The following PLCG2 variants were observed in gnomAD, a reference collection of about 807,000 sequenced individuals.
The protein encoded by PLCG2 is 1-phosphatidylinositol 4,5-bisphosphate phosphodiesterase gamma-2.
Under a neutral mutation model 175.6 loss-of-function variants are expected in PLCG2, and 69 were observed. The observed-to-expected ratio is 0.39, with a 90% CI of 0.32 to 0.48. The LOEUF (loss-of-function observed/expected upper bound fraction) is 0.48. PLCG2 is among the 20% of genes least tolerant of loss of function. The pLI, the probability that PLCG2 is intolerant of heterozygous loss-of-function variation, is 0.91. For missense variants in PLCG2, 1,798 were observed against 1,650.9 expected (o/e 1.09, Z -1.54); for synonymous variants, 827 against 624.0 (o/e 1.33, Z -4.85).
At chr16:81,778,981 G>A (rs1318960781), upstream of PLCG2, among the ~76,000 whole-genome samples, 3 of 152,120 alleles carry the variant, frequency 2.0e-5, no homozygotes, top group Non-Finnish European at 4.4e-5. Context: ...TAAGTATACG[G>A]CAAACACCTG....
rs1051178431 is a variant in PLCG2, at chr16:81,854,689, T to G, written c.337+102T>G. ...GCTCACCCCTGCCTGCTCACTGATG[T>G]GTATTTGGGGTCATGGTTTTGAATC... On this transcript the variant is annotated intron_variant, in intron 3 of 32. Transcript: ENST00000564138. The G allele has an allele frequency of 7.4e-6, 8 of 1,074,938 alleles. No homozygotes were observed. In the Admixed American group the frequency reaches 1.5e-4, roughly 20 times the overall value. The allele number at this position is 1,074,938 out of a possible 1,614,324, so 66.6% of individuals were successfully genotyped here.
intron 2 of PLCG2, among the ~76,000 whole-genome samples, chr16:81,820,328 A>G (rs530857716): frequency 2.0e-5 from 3 of 151,198 alleles, no homozygotes; most frequent in Non-Finnish European, 4.4e-5. Flanking sequence ...CCTCCCCAGC[A>G]TGCACACTCC....
At chr16:81,939,350 G>A (rs1209512097) in intron 29 of PLCG2, among the ~76,000 whole-genome samples, 1 of 152,166 alleles carries the variant, frequency 6.6e-6, no homozygotes, top group East Asian at 1.9e-4. Flanking sequence ...GCTCTTCCAG[G>A]AAAAGCCAGG....
chr16:81,803,352 G>A (rs1911828164), intron 2 of PLCG2, among the ~76,000 whole-genome samples: 1 of 151,702 alleles, frequency 6.6e-6, no homozygotes, highest in South Asian at 2.1e-4. Flanking sequence ...CACTTCTTTA[G>A]CCTAACATAA....
intron 7 of PLCG2, among the ~76,000 whole-genome samples, chr16:81,880,295 C>A (rs181586385): frequency 6.6e-6 from 1 of 152,150 alleles, no homozygotes; most frequent in South Asian, 2.1e-4. Context: ...AGTGGAGGTG[C>A]CTATCTCAAC....
At chr16:81,817,908 C>T (rs573954752) in intron 2 of PLCG2, among the ~76,000 whole-genome samples, 4 of 152,288 alleles carry the variant, frequency 2.6e-5, no homozygotes, top group East Asian at 1.9e-4. Flanking sequence ...CTTACTGTTT[C>T]GGGGAGAAGG....
At chr16:81,889,848 G>A (rs1908548453) in intron 10 of PLCG2, among the ~76,000 whole-genome samples, 1 of 152,088 alleles carries the variant, frequency 6.6e-6, no homozygotes, top group African/African-American at 2.4e-5. Flanking sequence ...AGTAGACAGG[G>A]TTTCACTATG....
At chr16:81,929,425 T>C (rs770127702) in intron 24 of PLCG2, among the ~76,000 whole-genome samples, 1 of 152,218 alleles carries the variant, frequency 6.6e-6, no homozygotes, top group Non-Finnish European at 1.5e-5. Flanking sequence ...CGATAGAGTC[T>C]CGCTGTGTCA....
intron 2 of PLCG2, among the ~76,000 whole-genome samples, chr16:81,841,732 G>A (rs1032631773): frequency 2.0e-5 from 3 of 152,254 alleles, no homozygotes; most frequent in Middle Eastern, 3.4e-3. Flanking sequence ...CTGCTCTACC[G>A]TGTGTGCCTC....
chr16:81,755,227 C>T (rs910322160), intron 1 of PLCG2, among the ~76,000 whole-genome samples: 6 of 152,020 alleles, frequency 3.9e-5, no homozygotes, highest in African/African-American at 1.2e-4. Flanking sequence ...GACAAGGCCT[C>T]ACTCTGTCAC....
intron 1 of PLCG2, among the ~76,000 whole-genome samples, chr16:81,751,276 C>T (rs533782976): frequency 2.2e-4 from 34 of 152,318 alleles, no homozygotes; most frequent in African/African-American, 7.7e-4. Context: ...CCACTGCCTC[C>T]AGCCTGGAAC....
At chr16:81,941,583 T>TCTAGAAA (rs1910941963) in intron 30 of PLCG2, among the ~76,000 whole-genome samples, 5 of 151,282 alleles carry the variant, frequency 3.3e-5, no homozygotes, top group Non-Finnish European at 7.4e-5. Context: ...TTTTTTGTAC[T>TCTAGAAA]CTAGAAATGT....
intron 2 of PLCG2, among the ~76,000 whole-genome samples, chr16:81,800,871 A>G (rs1003955186): frequency 6.6e-6 from 1 of 152,144 alleles, no homozygotes; most frequent in Non-Finnish European, 1.5e-5. Context: ...ATGAAATCAC[A>G]AAGGTCCTTG....
At chr16:81,863,658 C>T (rs1907090892) in intron 5 of PLCG2, among the ~76,000 whole-genome samples, 1 of 152,242 alleles carries the variant, frequency 6.6e-6, no homozygotes. Flanking sequence ...ATACTGTTTT[C>T]TGTAGCAGCT....
Position 81,936,164 on chromosome 16 carries a change from T to C in PLCG2, c.2843-5T>C, listed in dbSNP as rs756304291. On this transcript the variant is annotated splice_polypyrimidine_tract_variant and splice_region_variant and intron_variant, in intron 26 of 32. Transcript: ENST00000564138. Reference sequence around the variant, plus strand: ...AGTACTGATGACCTTTTTCTCTGTGTGCAGAAAATCCTGACTTCCGAGAAA... The same window carrying C: ...AGTACTGATGACCTTTTTCTCTGTGCGCAGAAAATCCTGACTTCCGAGAAA... 1 of 1,613,688 alleles carries C rather than the reference T, an allele frequency of 6.2e-7. No individual in the cohort carries two copies. Among genetic ancestry groups the C allele is most frequent in the Non-Finnish European group, 8.5e-7 (1 of 1,180,008 alleles).
intron 19 of PLCG2, among the ~76,000 whole-genome samples, chr16:81,914,732 T>C (rs1909769266): frequency 6.6e-6 from 1 of 152,172 alleles, no homozygotes; most frequent in African/African-American, 2.4e-5. Flanking sequence ...ACTCCAAGTG[T>C]TTCTTGCTTT....
upstream of PLCG2, among the ~76,000 whole-genome samples, chr16:81,775,181 A>G (rs1910371830): frequency 2.0e-5 from 3 of 152,292 alleles, no homozygotes; most frequent in South Asian, 6.2e-4. Context: ...ATTTTAGAAC[A>G]TTCTTATCAT....
At chr16:81,825,243 C>T (rs555074154) in intron 2 of PLCG2, among the ~76,000 whole-genome samples, 10 of 151,066 alleles carry the variant, frequency 6.6e-5, no homozygotes, top group African/African-American at 2.4e-4. Flanking sequence ...TTTCCTATTA[C>T]TGCTCTAATC....
At chr16:81,948,264 G>C (rs1490143052) in intron 31 of PLCG2, among the ~76,000 whole-genome samples, 1 of 136,554 alleles carries the variant, frequency 7.3e-6, no homozygotes, top group Non-Finnish European at 1.7e-5. Context: ...ATCCCATCTT[G>C]CCATTAACTG....
Sources: gnomAD v4.1 joint callset for allele counts (sites outside exome capture counted in the v4.1 genomes callset) on GRCh38, gnomAD v4.1.1 for gene constraint, MANE v1.5 for transcripts, NCBI Gene and HGNC (gene_info 2026-07-23, HGNC 2026-07-21) for gene names.